Variants in VRK2 observed in about 807,000 individuals in gnomAD.
VRK2 encodes the protein VRK serine/threonine kinase 2, also known as serine/threonine-protein kinase VRK2.
In VRK2, 60 loss-of-function variants were observed where a neutral mutation model predicts 57.6. The observed-to-expected ratio is 1.04, with a 90% confidence interval of 0.85 to 1.29. VRK2 has a LOEUF of 1.29. Ranked by LOEUF, VRK2 falls within the 50% of genes most tolerant of loss-of-function variation. The pLI is 0.00. For synonymous variants in VRK2, 231 were observed against 199.2 expected (o/e 1.16, Z -1.35); for missense variants, 705 against 588.1 (o/e 1.20, Z -2.06).
At chr2:58,014,792 AAG>A (rs1402874117) in intron 1 of VRK2, among the ~76,000 whole-genome samples, 2 of 152,210 alleles carry the variant, frequency 1.3e-5, no homozygotes, top group Non-Finnish European at 2.9e-5. Context: ...TTTTATAAAA[AAG>A]AGACACATTA....
chr2:58,064,806 T>C (rs1222606371), intron 2 of VRK2, among the ~76,000 whole-genome samples: 1 of 151,726 alleles, frequency 6.6e-6, no homozygotes, highest in Admixed American at 6.6e-5. Context: ...GATAATACAC[T>C]TTTTTTTCAA....
intron 10 of VRK2, 119 bp from the exon 11 acceptor site, chr2:58,139,547 A>G (rs1005742428): frequency 1.0e-5 from 8 of 802,924 alleles, no homozygotes; most frequent in Non-Finnish European, 1.6e-5. Flanking sequence ...GTTCATTTTT[A>G]GTTTCTTCAG....
intron 2 of VRK2, chr2:58,033,179 T>C (rs1572806983): frequency 6.6e-6 from 1 of 152,096 alleles, no homozygotes; most frequent in South Asian, 2.1e-4. Context: ...AGCACCATCA[T>C]TTTGTTTACA....
At position 58,159,860 on chromosome 2, in the gene VRK2, T is replaced by C. The variant is rs1401820644; in HGVS notation, c.*167T>C. 1.2e-6 allele frequency: 2 copies of C among 1,604,364 alleles called. No individual in the cohort carries two copies. The highest frequency in any genetic ancestry group is 1.7e-6 in the Non-Finnish European group (2 of 1,176,184). ...GGACACTCTAAAAAATAAAATTGCT[T>C]TGTACTAGAAATAGTGTCATAGAAT... On this transcript the variant is annotated 3_prime_UTR_variant, in exon 13 of 13. Transcript: ENST00000340157.
At chr2:57,946,439 T>C (rs2103967584) in intron 1 of VRK2, among the ~76,000 whole-genome samples, 1 of 152,156 alleles carries the variant, frequency 6.6e-6, no homozygotes, top group African/African-American at 2.4e-5. Context: ...AAACCCTTAA[T>C]AAGTACTATT....
intron 1 of VRK2, among the ~76,000 whole-genome samples, chr2:58,016,050 A>G (rs531881584): frequency 1.3e-5 from 2 of 152,100 alleles, no homozygotes; most frequent in East Asian, 3.9e-4. Flanking sequence ...TTCTTGTTCT[A>G]GAATTAATTC....
intron 7 of VRK2, among the ~76,000 whole-genome samples, chr2:58,113,308 G>C (rs1489186934): frequency 7.4e-6 from 1 of 135,204 alleles, no homozygotes; most frequent in Non-Finnish European, 1.5e-5. Flanking sequence ...GCGAAACTCC[G>C]TCTCAAAAAA....
intron 1 of VRK2, among the ~76,000 whole-genome samples, chr2:57,972,397 T>C (rs968268510): frequency 3.3e-5 from 5 of 151,900 alleles, no homozygotes; most frequent in African/African-American, 1.2e-4. Flanking sequence ...ATGTGTTTAT[T>C]TGCTTTATCT....
At chr2:57,947,270 C>G (rs1572893916) in intron 1 of VRK2, among the ~76,000 whole-genome samples, 1 of 152,210 alleles carries the variant, frequency 6.6e-6, no homozygotes, top group East Asian at 1.9e-4. Flanking sequence ...AAATGCAACT[C>G]TATAGAATGA....
chr2:58,136,664 T>C (rs1228837822), intron 10 of VRK2, among the ~76,000 whole-genome samples: 1 of 151,484 alleles, frequency 6.6e-6, no homozygotes, highest in Non-Finnish European at 1.5e-5. Flanking sequence ...GGATTACAGG[T>C]GTGGGCCACT....
intron 7 of VRK2, among the ~76,000 whole-genome samples, chr2:58,091,828 T>C (rs1011126220): frequency 6.6e-6 from 1 of 152,032 alleles, no homozygotes; most frequent in African/African-American, 2.4e-5. Context: ...AATGAGAAGA[T>C]AAGGAGACCA....
At chr2:57,967,496 T>G (rs1181123245) in intron 1 of VRK2, among the ~76,000 whole-genome samples, 2 of 151,936 alleles carry the variant, frequency 1.3e-5, no homozygotes, top group Non-Finnish European at 2.9e-5. Context: ...TTAATCACAC[T>G]TGGGGGGAAA....
In VRK2 at chr2:58,159,769, T is replaced by G. The variant is rs545084971; in HGVS notation, c.*76T>G. 46 of 1,613,176 alleles carry G rather than the reference T, an allele frequency of 2.9e-5. 1 individual carries two copies. In the South Asian group the frequency reaches 4.2e-4, roughly 15 times the overall value. On this transcript the variant is annotated 3_prime_UTR_variant, in exon 13 of 13. Coordinates refer to ENST00000340157, the MANE Select transcript of VRK2 (RefSeq NM_006296.7). ...CCGAAATGTTGTATTCTTATTTCAG[T>G]GTTTCCTTCCAGACATTTTTAAGGT... is the stretch of plus-strand genomic sequence containing the variant.
chr2:58,082,336 G>C (rs919849309), intron 2 of VRK2, among the ~76,000 whole-genome samples: 1 of 151,734 alleles, frequency 6.6e-6, no homozygotes, highest in Non-Finnish European at 1.5e-5. Context: ...ATTTTCTTCT[G>C]TACTTTTTAG....
At chr2:58,064,474 A>G (rs974715982) in intron 2 of VRK2, among the ~76,000 whole-genome samples, 3 of 152,172 alleles carry the variant, frequency 2.0e-5, no homozygotes, top group South Asian at 2.1e-4. Context: ...TTTTAGCAAT[A>G]AAATATTTTT....
At chr2:58,124,384 A>C (rs1677989877) in intron 8 of VRK2, among the ~76,000 whole-genome samples, 1 of 152,190 alleles carries the variant, frequency 6.6e-6, no homozygotes, top group Non-Finnish European at 1.5e-5. Context: ...AGTCAATTCT[A>C]ATGTTATGCT....
At chr2:57,920,535 T>C (rs577322756) in intron 1 of VRK2, among the ~76,000 whole-genome samples, 4 of 152,136 alleles carry the variant, frequency 2.6e-5, no homozygotes, top group Non-Finnish European at 5.9e-5. Context: ...GATTATTATG[T>C]GCTTGTCAGG....
chr2:58,043,126 T>C (rs892346162), upstream of VRK2, among the ~76,000 whole-genome samples: 1 of 152,178 alleles, frequency 6.6e-6, no homozygotes, highest in African/African-American at 2.4e-5. Context: ...TGAAACTTTA[T>C]TTTACTGTTA....
chr2:58,088,534 G>C lies in VRK2; in HGVS notation c.450+88G>C. ...CTTTTCCCTTTGTGGAATTATTAGA[G>C]AATGAAGGATTATTGCCCTAGAGAC... On this transcript the variant is annotated intron_variant, in intron 6 of 12. Coordinates refer to ENST00000340157, the MANE Select transcript of VRK2 (RefSeq NM_006296.7). The C allele has an allele frequency of 1.1e-5, 12 of 1,057,520 alleles. No individual in the cohort carries two copies. The South Asian group carries it at 1.4e-4, about 13-fold the overall frequency. 65.5% of individuals were successfully genotyped at this position (1,057,520 alleles called of 1,614,324 possible).
Sources: allele counts gnomAD v4.1 joint callset (sites outside exome capture counted in the v4.1 genomes callset), GRCh38; gene constraint gnomAD v4.1.1; transcripts MANE v1.5; gene names NCBI Gene and HGNC (gene_info 2026-07-23, HGNC 2026-07-21).